The following ATP10A variants were observed in gnomAD, a reference collection of about 807,000 sequenced individuals.
ATP10A encodes phospholipid-transporting ATPase VA.
ATP10A carries 111 observed loss-of-function variants against 147.8 expected under a neutral mutation model. The ratio of observed to expected loss-of-function variants is 0.75; its 90% CI spans 0.64 to 0.88. The LOEUF is 0.88. Among genes scored for constraint, ATP10A ranks in the 40% least tolerant of loss-of-function variants. The pLI, the probability that ATP10A is intolerant of heterozygous loss-of-function variation, is 0.00. For missense variants in ATP10A, 1,927 were observed against 1,959.0 expected (o/e 0.98, Z 0.31); for synonymous variants, 875 against 841.6 (o/e 1.04, Z -0.69).
intron 13 of ATP10A, among the ~76,000 whole-genome samples, chr15:25,698,247 T>A (rs770205134): frequency 2.0e-4 from 30 of 152,228 alleles, no homozygotes; most frequent in Admixed American, 1.6e-3. Context: ...GAGAAATAAG[T>A]CTGTACTATC....
At chr15:25,700,566 A>G (rs1309383322) in intron 13 of ATP10A, among the ~76,000 whole-genome samples, 4 of 152,210 alleles carry the variant, frequency 2.6e-5, no homozygotes, top group African/African-American at 9.6e-5. Context: ...GAGTGACAGA[A>G]GCCAGGCTCT....
chr15:25,698,340 A>G (rs1900466141), intron 13 of ATP10A, among the ~76,000 whole-genome samples: 1 of 152,228 alleles, frequency 6.6e-6, no homozygotes. Flanking sequence ...CAATGGGAGA[A>G]TAGACACGAC....
At chr15:25,750,762 G>C (rs973274625) in intron 2 of ATP10A, among the ~76,000 whole-genome samples, 1 of 151,954 alleles carries the variant, frequency 6.6e-6, no homozygotes, top group African/African-American at 2.4e-5. Context: ...TCTGGAAGGA[G>C]AGAAATGGAA....
At chr15:25,799,357 G>A (rs778177117) in intron 1 of ATP10A, among the ~76,000 whole-genome samples, 7 of 152,118 alleles carry the variant, frequency 4.6e-5, no homozygotes, top group Non-Finnish European at 1.0e-4. Context: ...GCTCCTGAGC[G>A]CTGATGTGTT....
At chr15:25,840,652 TCA>T (rs1160630896) in intron 1 of ATP10A, among the ~76,000 whole-genome samples, 1 of 152,232 alleles carries the variant, frequency 6.6e-6, no homozygotes, top group African/African-American at 2.4e-5. Flanking sequence ...ATGTAAGTTC[TCA>T]TTTATCTGGG....
In ATP10A at chr15:25,683,747, G is replaced by A; in HGVS notation, c.3292-261C>T. ...TTGGGAATTCCCAGGAGCAGCACTT[G>A]CGGGGATGAGATTTTTGTGCTTGAC... On this transcript the variant is annotated intron_variant, in intron 16 of 20. Transcript: ENST00000555815. The A allele has an allele frequency of 1.4e-5, 7 of 518,102 alleles. No individual in the cohort carries two copies. In the South Asian group the frequency reaches 1.6e-4, roughly 12 times the overall value. 32.1% of individuals were successfully genotyped at this position (518,102 alleles called of 1,614,324 possible). A position where few individuals can be genotyped will look rare whatever the true frequency, so the allele number is the denominator to read the frequency against.
At position 25,701,911 on chromosome 15, in the gene ATP10A, C is replaced by T; in HGVS notation, c.2760+5G>A. 1 of 1,591,288 alleles carries T rather than the reference C, an allele frequency of 6.3e-7. No individual in the cohort carries two copies. The highest frequency in any genetic ancestry group is 8.6e-7 in the Non-Finnish European group (1 of 1,167,262). On this transcript the variant is annotated splice_donor_5th_base_variant and intron_variant, in intron 13 of 20. Transcript: ENST00000555815. ...AGGAAGCGGAGCCACTTGAAACCCACCTACCTGGGAGGTGGCATTCAGGGT... is the reference window on the plus strand; with the variant it reads ...AGGAAGCGGAGCCACTTGAAACCCATCTACCTGGGAGGTGGCATTCAGGGT...
chr15:25,813,949 T>G (rs1891541066), intron 1 of ATP10A, among the ~76,000 whole-genome samples: 1 of 151,972 alleles, frequency 6.6e-6, no homozygotes, highest in African/African-American at 2.4e-5. Context: ...TGGGGGGCGG[T>G]GGGAAACAGA....
intron 1 of ATP10A, among the ~76,000 whole-genome samples, chr15:25,826,758 G>A (rs1892132332): frequency 6.6e-6 from 1 of 152,134 alleles, no homozygotes; most frequent in Non-Finnish European, 1.5e-5. Context: ...TCGTGCCACT[G>A]TACTCCAGCC....
At chr15:25,845,085 T>G (rs1175215163) in intron 1 of ATP10A, among the ~76,000 whole-genome samples, 2 of 152,148 alleles carry the variant, frequency 1.3e-5, no homozygotes, top group African/African-American at 4.8e-5. Flanking sequence ...TGTGATGAGG[T>G]GGACACTCAC....
chr15:25,771,305 C>T (rs942958478), intron 2 of ATP10A, among the ~76,000 whole-genome samples: 13 of 152,104 alleles, frequency 8.5e-5, no homozygotes, highest in African/African-American at 3.1e-4. Flanking sequence ...CACGGCAGCT[C>T]ACGCCTATAA....
At chr15:25,689,360 C>T (rs1899882710) in intron 15 of ATP10A, among the ~76,000 whole-genome samples, 1 of 152,218 alleles carries the variant, frequency 6.6e-6, no homozygotes, top group South Asian at 2.1e-4. Flanking sequence ...AGCCAGAGCT[C>T]ACGAAGACAG....
chr15:25,750,454 G>A (rs2140548082), intron 2 of ATP10A, among the ~76,000 whole-genome samples: 1 of 151,868 alleles, frequency 6.6e-6, no homozygotes. Context: ...AATGATAAAG[G>A]AAGCCATTCA....
chr15:25,795,177 A>G (rs1890615316), intron 1 of ATP10A, among the ~76,000 whole-genome samples: 1 of 152,204 alleles, frequency 6.6e-6, no homozygotes, highest in South Asian at 2.1e-4. Flanking sequence ...GCAAGCATAC[A>G]ACAATGAGCA....
chr15:25,824,978 C>T (rs1255459828), intron 1 of ATP10A, among the ~76,000 whole-genome samples: 1 of 152,126 alleles, frequency 6.6e-6, no homozygotes, highest in Non-Finnish European at 1.5e-5. Context: ...GTGAGCACCA[C>T]TGCACTCCAG....
At chr15:25,751,820 A>G (rs1888168672) in intron 2 of ATP10A, among the ~76,000 whole-genome samples, 1 of 152,152 alleles carries the variant, frequency 6.6e-6, no homozygotes, top group Admixed American at 6.5e-5. Context: ...CAATAACAAG[A>G]AAACAAAAAA....
chr15:25,767,752 G>T (rs552931876), intron 2 of ATP10A, among the ~76,000 whole-genome samples: 180 of 152,324 alleles, frequency 1.2e-3, no homozygotes, highest in Non-Finnish European at 2.2e-3. Flanking sequence ...CGTGCTAGCT[G>T]CCTGTGCTAA....
chr15:25,735,014 TGGGGGGGTG>T (rs1567343555), intron 3 of ATP10A, among the ~76,000 whole-genome samples: 5 of 12,228 alleles, frequency 4.1e-4, no homozygotes, highest in African/African-American at 1.3e-3. Context: ...GGGGGGGGGG[TGGGGGGGTG>T]GGGGAAGTGG....
chr15:25,712,095 T>A (rs1281316402), intron 10 of ATP10A, among the ~76,000 whole-genome samples: 1 of 151,560 alleles, frequency 6.6e-6, no homozygotes, highest in Non-Finnish European at 1.5e-5. Flanking sequence ...AAAGCAGGAG[T>A]AGGAGAGTGA....
Sources: gnomAD v4.1 joint callset for allele counts (sites outside exome capture counted in the v4.1 genomes callset) on GRCh38, gnomAD v4.1.1 for gene constraint, MANE v1.5 for transcripts, NCBI Gene and HGNC (gene_info 2026-07-23, HGNC 2026-07-21) for gene names.